The following C12orf54 variants were observed in gnomAD, a reference collection of about 807,000 sequenced individuals.
The protein encoded by C12orf54 is chromosome 12 open reading frame 54.
Under a neutral mutation model 26.4 loss-of-function variants are expected in C12orf54, and 24 were observed. The ratio of observed to expected loss-of-function variants is 0.91; its 90% CI spans 0.66 to 1.28. C12orf54 has a LOEUF of 1.28. Ranked by LOEUF, C12orf54 falls within the 50% of genes most tolerant of loss-of-function variation. The probability of loss-of-function intolerance (pLI) is 0.00; values close to 1 mark genes in which losing one functional copy is unlikely to be tolerated. For synonymous variants in C12orf54, 54 were observed against 47.0 expected (o/e 1.15, Z -0.61); for missense variants, 154 against 150.9 (o/e 1.02, Z -0.11).
chr12:48,436,608 A>G, the C12orf54 span, among the ~76,000 whole-genome samples: 1 of 152,214 alleles, frequency 6.6e-6, no homozygotes, highest in South Asian at 2.1e-4. Flanking sequence ...AACTCACTCA[A>G]AACCGCTCAA....
At chr12:48,420,869 C>G in the C12orf54 span, among the ~76,000 whole-genome samples, 1 of 152,062 alleles carries the variant, frequency 6.6e-6, no homozygotes, top group Non-Finnish European at 1.5e-5. Flanking sequence ...TGTCTGGTGC[C>G]ACATTTGCTT....
the C12orf54 span, among the ~76,000 whole-genome samples, chr12:48,457,080 C>G: frequency 6.6e-6 from 1 of 152,006 alleles, no homozygotes; most frequent in Admixed American, 6.6e-5. Flanking sequence ...TTGTGTCTGT[C>G]TCCCCTATTA....
chr12:48,433,677 G>T, the C12orf54 span, among the ~76,000 whole-genome samples: 9 of 152,124 alleles, frequency 5.9e-5, no homozygotes, highest in African/African-American at 2.2e-4. Flanking sequence ...TTGATCTCTT[G>T]ACCTTGTGAT....
the C12orf54 span, chr12:48,473,416 T>A: frequency 1.4e-6 from 1 of 711,664 alleles, no homozygotes; most frequent in Non-Finnish European, 2.4e-6. Flanking sequence ...GATGCCTAAG[T>A]GGAATAATCT....
At chr12:48,462,353 G>T in the C12orf54 span, among the ~76,000 whole-genome samples, 1 of 151,480 alleles carries the variant, frequency 6.6e-6, no homozygotes, top group South Asian at 2.1e-4. Context: ...ACAACTTCTG[G>T]AATATTAGGA....
chr12:48,438,804 A>G, the C12orf54 span, among the ~76,000 whole-genome samples: 1 of 152,242 alleles, frequency 6.6e-6, no homozygotes, highest in Non-Finnish European at 1.5e-5. Flanking sequence ...TAAAAACCCT[A>G]GAAGAAAACC....
the C12orf54 span, among the ~76,000 whole-genome samples, chr12:48,476,260 AG>A: frequency 6.6e-6 from 1 of 152,266 alleles, no homozygotes; most frequent in Non-Finnish European, 1.5e-5. Context: ...AAACATAGAA[AG>A]GAACAACCAG....
At chr12:48,445,249 G>A in the C12orf54 span, among the ~76,000 whole-genome samples, 1 of 151,988 alleles carries the variant, frequency 6.6e-6, no homozygotes, top group Non-Finnish European at 1.5e-5. Flanking sequence ...ATAGTCTAGG[G>A]CTTTGCTGCT....
chr12:48,428,125 G>T, the C12orf54 span, among the ~76,000 whole-genome samples: 1 of 152,014 alleles, frequency 6.6e-6, no homozygotes, highest in Non-Finnish European at 1.5e-5. Context: ...CGAACTGAAT[G>T]ACACTAGCGA....
At chr12:48,421,414 T>G in the C12orf54 span, among the ~76,000 whole-genome samples, 1 of 151,370 alleles carries the variant, frequency 6.6e-6, no homozygotes, top group Non-Finnish European at 1.5e-5. Context: ...AGGATCCAGT[T>G]ACCTCCCACT....
the C12orf54 span, among the ~76,000 whole-genome samples, chr12:48,453,574 C>CAT: frequency 4.9e-5 from 4 of 81,912 alleles, 1 homozygote; most frequent in East Asian, 7.0e-4. Context: ...TATATATACA[C>CAT]ATATACACAT....
At chr12:48,472,199 T>A in the C12orf54 span, among the ~76,000 whole-genome samples, 4 of 152,248 alleles carry the variant, frequency 2.6e-5, no homozygotes, top group African/African-American at 9.6e-5. Flanking sequence ...TTTTGTATCC[T>A]GAAATCTTAC....
chr12:48,476,484 C>T, the C12orf54 span, among the ~76,000 whole-genome samples: 4 of 152,312 alleles, frequency 2.6e-5, no homozygotes, highest in South Asian at 6.2e-4. Flanking sequence ...CATCAGTGTG[C>T]TGTATTCAGG....
chr12:48,436,684 A>G, the C12orf54 span, among the ~76,000 whole-genome samples: 1 of 152,242 alleles, frequency 6.6e-6, no homozygotes, highest in Non-Finnish European at 1.5e-5. Context: ...CAAGGCAGAA[A>G]TAAAGATGTT....
At chr12:48,423,804 C>G in the C12orf54 span, among the ~76,000 whole-genome samples, 10 of 151,942 alleles carry the variant, frequency 6.6e-5, no homozygotes, top group Admixed American at 2.6e-4. Flanking sequence ...GAGAGTGCTA[C>G]TCTTTTCATT....
chr12:48,452,059 G>T, the C12orf54 span, among the ~76,000 whole-genome samples: 1 of 152,128 alleles, frequency 6.6e-6, no homozygotes, highest in African/African-American at 2.4e-5. Flanking sequence ...AAAGCTGGAA[G>T]TATCACTCTA....
chr12:48,414,660 AG>A, the C12orf54 span, among the ~76,000 whole-genome samples: 6 of 152,184 alleles, frequency 3.9e-5, no homozygotes, highest in African/African-American at 1.4e-4. Flanking sequence ...GGAGAAGGAA[AG>A]AGAGTAATCT....
chr12:48,425,429 G>T, the C12orf54 span, among the ~76,000 whole-genome samples: 1 of 151,978 alleles, frequency 6.6e-6, no homozygotes. Context: ...ATGATTGCAT[G>T]GCATTCTGTG....
chr12:48,435,716 G>A, the C12orf54 span, among the ~76,000 whole-genome samples: 1 of 152,158 alleles, frequency 6.6e-6, no homozygotes, highest in Non-Finnish European at 1.5e-5. Context: ...AATGCTGAGA[G>A]ATTTTGTCAC....
Sources: gnomAD v4.1 joint callset for allele counts (sites outside exome capture counted in the v4.1 genomes callset) on GRCh38, gnomAD v4.1.1 for gene constraint, MANE v1.5 for transcripts, NCBI Gene and HGNC (gene_info 2026-07-23, HGNC 2026-07-21) for gene names.